LENG8: variants seen among roughly 807,000 people sequenced by gnomAD.
LENG8 encodes leukocyte receptor cluster (LRC) member 8.
LENG8 carries 28 observed loss-of-function variants against 102.1 expected under a neutral mutation model. The observed-to-expected ratio is 0.27, with a 90% CI of 0.20 to 0.38. LENG8 has a LOEUF of 0.38. Ranked by LOEUF, LENG8 falls within the 10% of genes least tolerant of loss-of-function variation. The pLI, the probability that LENG8 is intolerant of heterozygous loss-of-function variation, is 1.00. For synonymous variants in LENG8, 531 were observed against 456.7 expected (o/e 1.16, Z -2.07); for missense variants, 1,022 against 1,113.9 (o/e 0.92, Z 1.17).
chr19:54,455,401 G>A lies in LENG8; in HGVS notation c.859G>A (p.Asp287Asn), dbSNP rs146684975. The part of the protein sequence containing the change: ...SARGNLSGKP[D>N]DWPQDMKEYV... ...CCGGGGGAACCTGTCTGGGAAGCCG[G>A]ATGACTGGCCCCAGGACATGAAAGA... Residue 287 changes from aspartate (D) to asparagine (N), a missense_variant, in exon 8 of 16, where the codon GAT becomes AAT. Coordinates refer to ENST00000326764, the MANE Select transcript of LENG8 (RefSeq NM_052925.4). 6.8e-6 allele frequency: 11 copies of A among 1,614,076 alleles called. No individual in the cohort carries two copies. The highest frequency in any genetic ancestry group is 2.2e-5 in the East Asian group (1 of 44,892).
At position 54,454,495 on chromosome 19, in the gene LENG8, T is replaced by C; in HGVS notation, c.492T>C (p.Ala164=). The stretch of plus-strand genomic sequence containing the variant: ...CTCCCCCTCAGCAGCTGCCGTCGGC[T>C]CAGCCCCCTCAGCCCTCAAATCCCC... ...YQAPPQQLPS[A]QPPQPSNPPH... The change falls in exon 6 of 16, where the codon GCT becomes GCC. Residue 164 remains alanine (A), a synonymous_variant. Transcript: ENST00000326764. The C allele has an allele frequency of 1.2e-6, 2 of 1,613,776 alleles. No homozygotes were observed. The highest frequency in any genetic ancestry group is 1.7e-6 in the Non-Finnish European group (2 of 1,179,880).
At chr19:54,460,719 G>GGGGGCC in intron 15 of LENG8, 47 bp from the exon 16 acceptor site, 6 of 778,900 alleles carry the variant, frequency 7.7e-6, no homozygotes, top group Non-Finnish European at 1.1e-5. Flanking sequence ...GCCCTCCCCT[G>GGGGGCC]CCCTCCCGCC....
At position 54,452,619 on chromosome 19, in the gene LENG8, T is replaced by C. The variant is rs1599958224; in HGVS notation, c.214-32T>C. 2.6e-6 allele frequency: 4 copies of C among 1,533,080 alleles called. No individual in the cohort carries two copies. In the East Asian group the frequency reaches 9.2e-5, roughly 35 times the overall value. 95.0% of individuals were successfully genotyped at this position (1,533,080 alleles called of 1,614,324 possible). On this transcript the variant is annotated intron_variant, in intron 3 of 15. Transcript: ENST00000326764. ...GGGCCGTGTGCCTGTGGATTTGGGC[T>C]GCTGACGGCACATGTGCCTCTGCTT...
intron 15 of LENG8, chr19:54,459,850 A>T: frequency 8.6e-7 from 1 of 1,161,862 alleles, no homozygotes; most frequent in East Asian, 6.3e-5. Context: ...AAGGGGAGGC[A>T]GGAGGCTGCT....
intron 2 of LENG8, 127 bp downstream of exon 2, chr19:54,451,509 G>T: frequency 2.1e-6 from 2 of 940,310 alleles, no homozygotes; most frequent in Non-Finnish European, 1.7e-6. Flanking sequence ...GTGGGTGGGG[G>T]TGGTGGTGAG....
In LENG8 at chr19:54,454,958, T is replaced by C. The variant is rs755689113; in HGVS notation, c.687T>C (p.Pro229=). Residue 229 remains proline, a synonymous_variant, in exon 7 of 16, where the codon CCT becomes CCC. Transcript: ENST00000326764. ...QQLWNRMKPA[P]GTGGLKFNIQ... ...CTTTCGCTGCCCTCACAGCCGCCCC[T>C]GGGACTGGAGGTCTCAAGTTCAACA... The C allele has an allele frequency of 6.2e-7, 1 of 1,614,168 alleles. No individual in the cohort carries two copies. The highest frequency in any genetic ancestry group is 1.1e-5 in the South Asian group (1 of 91,084).
chr19:54,454,345 C>T, intron 5 of LENG8, 85 bp from the exon 6 acceptor site: 1 of 1,364,410 alleles, frequency 7.3e-7, no homozygotes, highest in Non-Finnish European at 1.0e-6. Context: ...GTGCTGTGAC[C>T]ACTGCGTCCT....
Position 54,456,103 on chromosome 19 carries a change from G to A in LENG8, c.1162G>A (p.Gly388Arg), listed in dbSNP as rs755824558. 1.2e-6 allele frequency: 2 copies of A among 1,609,654 alleles called. No homozygotes were observed. The highest frequency in any genetic ancestry group is 2.7e-5 in the African/African-American group (2 of 74,930). Residue 388 changes from glycine (G) to arginine (R), a missense_variant, in exon 9 of 16, where the codon GGG becomes AGG. By Grantham distance (125) the Gly-to-Arg change is moderately radical. Around this residue, in one of 7 missense-constraint regions of LENG8, gnomAD observed 326 missense variants for 324.5 expected, o/e 1.00. Coordinates refer to ENST00000326764, the MANE Select transcript of LENG8 (RefSeq NM_052925.4). ...GTCCCAGCGAGGGACGCCCGGGGCT[G>A]GGGGTGCCGGTCGAGCCCGGGGCAA... ...APSQRGTPGA[G>R]GAGRARGNSF...
At chr19:54,453,875 C>G (rs2084084617) in intron 5 of LENG8, among the ~76,000 whole-genome samples, 1 of 152,154 alleles carries the variant, frequency 6.6e-6, no homozygotes, top group African/African-American at 2.4e-5. Context: ...GACATCTCAT[C>G]TTTTTCCCTA....
rs1408556451 is a variant in LENG8 at position 54,452,747 on chromosome 19, C to T, written c.310C>T (p.Pro104Ser). The T allele has an allele frequency of 1.9e-6, 3 of 1,610,876 alleles. No homozygotes were observed. The highest frequency in any genetic ancestry group is 1.7e-6 in the Non-Finnish European group (2 of 1,177,098). Residue 104 changes from proline (P) to serine (S), a missense_variant, in exon 4 of 16, where the codon CCC becomes TCC. Physicochemically the swap from Pro to Ser is moderately conservative, Grantham distance 74 (BLOSUM62 -1). Around this residue, in one of 7 missense-constraint regions of LENG8, gnomAD observed 343 missense variants for 320.2 expected, o/e 1.07. Transcript: ENST00000326764. ...NYAYPYSYYY[P>S]MSMYQSYGSP... ...TGCCTACCCCTACAGCTACTACTAT[C>T]CCATGGTGAGTGCCCAGCCAGTGGG...
chr19:54,455,256 G>A, intron 7 of LENG8, 108 bp from the exon 8 acceptor site: 4 of 1,503,150 alleles, frequency 2.7e-6, no homozygotes, highest in Non-Finnish European at 3.7e-6. Context: ...GGAGACAGAA[G>A]GAAAACTTGG....
At chr19:54,460,731 G>T (rs762598294) in intron 15 of LENG8, 35 bp from the exon 16 acceptor site, 3 of 384,204 alleles carry the variant, frequency 7.8e-6, no homozygotes, top group South Asian at 5.3e-5. Flanking sequence ...CCTCCCGCCC[G>T]CCCGCCTCAT....
intron 5 of LENG8, 84 bp from the exon 6 acceptor site, chr19:54,454,346 A>C: frequency 7.2e-7 from 1 of 1,397,934 alleles, no homozygotes; most frequent in Non-Finnish European, 9.7e-7. Context: ...TGCTGTGACC[A>C]CTGCGTCCTC....
chr19:54,455,406 C>T lies in LENG8; in HGVS notation c.864C>T (p.Asp288=), dbSNP rs376004504. ...ARGNLSGKPD[D]WPQDMKEYVE... is the part of the protein sequence containing the mutation. The stretch of plus-strand genomic sequence containing the variant: ...GGAACCTGTCTGGGAAGCCGGATGA[C>T]TGGCCCCAGGACATGAAAGAGTATG... The change falls in exon 8 of 16, where the codon GAC becomes GAT. Residue 288 remains aspartate, a synonymous_variant. Transcript: ENST00000326764. 1.2e-6 allele frequency: 2 copies of T among 1,614,206 alleles called. No individual in the cohort carries two copies.
chr19:54,457,859 C>T lies in LENG8; in HGVS notation c.1833+11C>T, dbSNP rs757321145. 51 of 1,613,336 alleles carry T rather than the reference C, an allele frequency of 3.2e-5. No homozygotes were observed. Among genetic ancestry groups the T allele is most frequent in the Admixed American group, 8.3e-5 (5 of 60,008 alleles). On this transcript the variant is annotated intron_variant, in intron 12 of 15. Coordinates refer to ENST00000326764, the MANE Select transcript of LENG8 (RefSeq NM_052925.4). ...CGGCAGGATCTGACGGTGAGACTCG[C>T]GCTGGGAGGGGCCTGGCCTCAGCCA...
Position 54,457,738 on chromosome 19 carries a change from C to T in LENG8, c.1732-9C>T, listed in dbSNP as rs79857932. The T allele has an allele frequency of 4.3e-3, 6,870 of 1,606,908 alleles. 195 individuals carry two copies. In the African/African-American group the frequency reaches 0.07, roughly 16 times the overall value. On this transcript the variant is annotated splice_polypyrimidine_tract_variant and intron_variant, in intron 11 of 15. Transcript: ENST00000326764. Reference sequence around the variant, plus strand: ...GTACTCCGAGTGTGAATTCAGTTCCCTTTTTCAGGTTTTGAAAAAGTCGCT... The same window carrying T: ...GTACTCCGAGTGTGAATTCAGTTCCTTTTTTCAGGTTTTGAAAAAGTCGCT...
At position 54,452,258 on chromosome 19, in the gene LENG8, C is replaced by T. The variant is rs1359200961; in HGVS notation, c.204C>T (p.Ala68=). The T allele has an allele frequency of 6.2e-7, 1 of 1,611,892 alleles. No homozygotes were observed. The highest frequency in any genetic ancestry group is 8.5e-7 in the Non-Finnish European group (1 of 1,178,792). ...SAKSSSNGPV[A]SAQYVSQAEA... ...AGTCCAGCAGCAATGGGCCTGTGGC[C>T]AGTGCACAGGTGAGAAGGCCTCATG... The change falls in exon 3 of 16, where the codon GCC becomes GCT. Residue 68 remains alanine (A), a synonymous_variant. Transcript: ENST00000326764.
intron 15 of LENG8, chr19:54,459,367 G>A: frequency 7.0e-6 from 7 of 997,656 alleles, no homozygotes; most frequent in Non-Finnish European, 8.4e-6. Context: ...CTGTCCACGT[G>A]AGGTCATAGT....
intron 13 of LENG8, 21 bp downstream of exon 13, chr19:54,458,023 C>T (rs753128665): frequency 2.5e-6 from 4 of 1,613,024 alleles, no homozygotes; most frequent in African/African-American, 2.7e-5. Flanking sequence ...CTCTGCGGGC[C>T]TCCCCAGCCC....
Sources: allele counts gnomAD v4.1 joint callset (sites outside exome capture counted in the v4.1 genomes callset), GRCh38; gene constraint gnomAD v4.1.1; regional missense constraint gnomAD v4.1.1; transcripts MANE v1.5; gene names NCBI Gene and HGNC (gene_info 2026-07-23, HGNC 2026-07-21).